PDK1: variants seen among roughly 807,000 people sequenced by gnomAD.
PDK1 encodes pyruvate dehydrogenase kinase 1, also known as [Pyruvate dehydrogenase (acetyl-transferring)] kinase isozyme 1, mitochondrial.
A neutral mutation model predicts 54.2 loss-of-function variants in PDK1; 39 were observed. The ratio of observed to expected loss-of-function variants is 0.72; its 90% CI spans 0.56 to 0.94. The LOEUF is 0.94. Ranked by LOEUF, PDK1 falls within the 40% of genes least tolerant of loss-of-function variation. The pLI is 0.00. For missense variants in PDK1, 552 were observed against 566.0 expected, an observed-to-expected ratio of 0.98 and a Z score of 0.25; for synonymous variants, 221 against 207.1, an observed-to-expected ratio of 1.07 and a Z score of -0.58.
rs765005051 is a variant in PDK1, at chr2:172,571,823, C to CGTTTTTTTTTTTTTTTTTTTTTTTT, written c.945+999_945+1000insGTTTTTTTTTTTTTTTTTTTTTTTT. On this transcript the variant is annotated intron_variant, in intron 8 of 10. Coordinates refer to ENST00000282077, the MANE Select transcript of PDK1 (RefSeq NM_002610.5). ...CTCAGAGATTCTTAGTCTTTCTTTACTTTTTTTTTTTTTTTTTTTTTTTTT... is the reference window on the plus strand; with the variant it reads ...CTCAGAGATTCTTAGTCTTTCTTTACGTTTTTTTTTTTTTTTTTTTTTTTTTTTTTTTTTTTTTTTTTTTTTTTTT... 1.3e-4 allele frequency among the ~76,000 whole-genome samples: 13 copies of CGTTTTTTTTTTTTTTTTTTTTTTTT among 99,784 alleles called. 2 individuals carry two copies. The highest frequency in any genetic ancestry group is 2.7e-4 in the African/African-American group (7 of 25,584). 65.5% of individuals were successfully genotyped at this position (99,784 alleles called of 152,430 possible). A position where few individuals can be genotyped will look rare whatever the true frequency, so the allele number is the denominator to read the frequency against.
the PDK1 span, among the ~76,000 whole-genome samples, chr2:172,667,389 C>T: frequency 6.6e-6 from 1 of 152,170 alleles, no homozygotes; most frequent in African/African-American, 2.4e-5. Flanking sequence ...TGCCTGGTAC[C>T]TGGCCCAGGG....
chr2:172,707,360 C>T, the PDK1 span, among the ~76,000 whole-genome samples: 4 of 152,070 alleles, frequency 2.6e-5, no homozygotes, highest in Admixed American at 6.5e-5. Flanking sequence ...CTGGCATGGG[C>T]GGGAGTGGGA....
At chr2:172,667,922 C>T in the PDK1 span, among the ~76,000 whole-genome samples, 7,170 of 152,258 alleles carry the variant, frequency 0.047, 288 homozygotes, top group East Asian at 0.18. Flanking sequence ...TTCTTGCTTC[C>T]AAATGCATTG....
the PDK1 span, among the ~76,000 whole-genome samples, chr2:172,672,194 G>T: frequency 3.3e-5 from 5 of 152,124 alleles, no homozygotes; most frequent in Non-Finnish European, 5.9e-5. Flanking sequence ...AATCAGTTGA[G>T]CCTCTCATTT....
At chr2:172,670,670 CTAAAAAA>C in the PDK1 span, among the ~76,000 whole-genome samples, 4 of 152,100 alleles carry the variant, frequency 2.6e-5, no homozygotes, top group African/African-American at 4.8e-5. Flanking sequence ...GTCTTAAACA[CTAAAAAA>C]TAAATGAAAT....
At chr2:172,623,147 A>G in the PDK1 span, among the ~76,000 whole-genome samples, 3 of 144,082 alleles carry the variant, frequency 2.1e-5, no homozygotes, top group Non-Finnish European at 3.1e-5. Flanking sequence ...GAGACTGTTT[A>G]AAAAAAAAAA....
In PDK1 at chr2:172,562,261, A is replaced by G. The variant is rs747153051; in HGVS notation, c.380A>G (p.Lys127Arg). 1.9e-6 allele frequency: 3 copies of G among 1,603,248 alleles called. No homozygotes were observed. The highest frequency in any genetic ancestry group is 2.2e-5 in the East Asian group (1 of 44,814). The change falls in exon 3 of 11, where the codon AAA (lysine) becomes AGA (arginine). Residue 127 changes from lysine to arginine, a missense_variant. Lys to Arg is a conservative substitution (Grantham distance 26). Coordinates refer to ENST00000282077, the MANE Select transcript of PDK1 (RefSeq NM_002610.5). ...SLQELLDFKDKSAEDAKAIYD... is the reference protein window; with the variant it reads ...SLQELLDFKDRSAEDAKAIYD... ...CAGGAGCTTCTTGATTTTAAGGACA[A>G]AAGTGCTGAGGATGCTAAAGCTATT...
chr2:172,568,440 C>T (rs1164938313), intron 6 of PDK1, among the ~76,000 whole-genome samples: 2 of 151,640 alleles, frequency 1.3e-5, no homozygotes, highest in South Asian at 2.1e-4. Context: ...AATTCCTACC[C>T]GAAAGTTAAG....
the PDK1 span, among the ~76,000 whole-genome samples, chr2:172,721,793 T>C: frequency 6.6e-6 from 1 of 152,252 alleles, no homozygotes; most frequent in Admixed American, 6.5e-5. Context: ...ATATTGTGTC[T>C]GGCATATTGC....
intron 8 of PDK1, among the ~76,000 whole-genome samples, chr2:172,584,622 CATT>C (rs950475213): frequency 7.1e-5 from 10 of 141,718 alleles, no homozygotes; most frequent in South Asian, 2.3e-4. Flanking sequence ...CTGGAAGTGA[CATT>C]GTTGTGTGAA....
the PDK1 span, among the ~76,000 whole-genome samples, chr2:172,635,926 G>T: frequency 6.6e-6 from 1 of 152,200 alleles, no homozygotes; most frequent in African/African-American, 2.4e-5. Context: ...CCTTGCCTTG[G>T]CTTTCCTGTG....
chr2:172,625,285 C>T, the PDK1 span, among the ~76,000 whole-genome samples: 3 of 152,308 alleles, frequency 2.0e-5, no homozygotes, highest in Admixed American at 6.5e-5. Context: ...CCACTCTCCC[C>T]GTCCCCACTC....
the PDK1 span, among the ~76,000 whole-genome samples, chr2:172,687,380 G>T: frequency 1.3e-5 from 2 of 150,236 alleles, no homozygotes; most frequent in Admixed American, 1.3e-4. Context: ...CTCCTTTGTT[G>T]TTAAATGCAT....
chr2:172,633,445 C>T, the PDK1 span, among the ~76,000 whole-genome samples: 1 of 134,614 alleles, frequency 7.4e-6, no homozygotes, highest in Non-Finnish European at 1.5e-5. Context: ...AAAATCAAAA[C>T]TGATCATTTT....
At position 172,566,863 on chromosome 2, in the gene PDK1, T is replaced by G; in HGVS notation, c.699T>G (p.Tyr233Ter). 6.2e-7 allele frequency: 1 copy of G among 1,607,420 alleles called. No individual in the cohort carries two copies. The highest frequency in any genetic ancestry group is 1.1e-5 in the South Asian group (1 of 90,572). ...TGTTTTGATTCACACTAGATGGCTA[T>G]GAAAATGCTAGGCGTCTGTGTGATT... ...CNVLEVIKDG[Y>*]ENARRLCDLY... The change falls in exon 6 of 11, where the codon TAT becomes TAG. Residue 233 changes from tyrosine (Y) to a stop codon, truncating the protein, a stop_gained. Coordinates refer to ENST00000282077, the MANE Select transcript of PDK1 (RefSeq NM_002610.5). LOFTEE classifies it high-confidence loss of function.
the PDK1 span, among the ~76,000 whole-genome samples, chr2:172,641,393 A>G: frequency 6.6e-6 from 1 of 150,934 alleles, no homozygotes; most frequent in South Asian, 2.1e-4. Context: ...TCAGCCTCCC[A>G]AAGTGCTGGG....
At chr2:172,624,824 G>T in the PDK1 span, among the ~76,000 whole-genome samples, 2 of 152,032 alleles carry the variant, frequency 1.3e-5, no homozygotes, top group Non-Finnish European at 2.9e-5. Flanking sequence ...CAGAAACCTT[G>T]TCTCTGTTTC....
At chr2:172,706,272 T>G in the PDK1 span, among the ~76,000 whole-genome samples, 2 of 152,222 alleles carry the variant, frequency 1.3e-5, no homozygotes, top group Non-Finnish European at 2.9e-5. Context: ...ATTGCCTTTT[T>G]TTTTTTCAGT....
chr2:172,615,480 A>G, the PDK1 span, among the ~76,000 whole-genome samples: 341 of 152,212 alleles, frequency 2.2e-3, no homozygotes, highest in Admixed American at 3.5e-3. Context: ...AAAATTAGCC[A>G]GGTGTGGTGG....
Sources: gnomAD v4.1 joint callset for allele counts (sites outside exome capture counted in the v4.1 genomes callset) on GRCh38, gnomAD v4.1.1 for gene constraint, MANE v1.5 for transcripts, NCBI Gene and HGNC (gene_info 2026-07-23, HGNC 2026-07-21) for gene names.